Variants in PHAF1 observed in about 807,000 individuals in gnomAD.
PHAF1 encodes phagophore assembly factor 1, also known as phagosome assembly factor 1.
Under a neutral mutation model 63.1 loss-of-function variants are expected in PHAF1, and 23 were observed. That is an observed-to-expected ratio of 0.36 (90% CI 0.26 to 0.52). The LOEUF (loss-of-function observed/expected upper bound fraction) is 0.52, where lower values mean the gene tolerates loss of function less well. PHAF1 is among the 20% of genes least tolerant of loss of function. The pLI is 0.93. For missense variants in PHAF1, 427 were observed against 517.2 expected (o/e 0.83, Z 1.69); for synonymous variants, 167 against 185.0 (o/e 0.90, Z 0.79).
At chr16:67,146,384 G>A (rs573331731) in intron 15 of PHAF1, 34 bp downstream of exon 15, 5 of 1,595,108 alleles carry the variant, frequency 3.1e-6, no homozygotes, top group African/African-American at 1.3e-5. Flanking sequence ...TAAACTGCCT[G>A]GGGGGTTGCT....
intron 1 of PHAF1, among the ~76,000 whole-genome samples, chr16:67,117,151 G>A (rs891075264): frequency 1.3e-5 from 2 of 150,092 alleles, no homozygotes; most frequent in Non-Finnish European, 1.5e-5. Context: ...TCCTGACTCA[G>A]CTTCCTGAGT....
chr16:67,118,965 C>G (rs564424434), intron 1 of PHAF1, among the ~76,000 whole-genome samples: 1 of 151,976 alleles, frequency 6.6e-6, no homozygotes, highest in South Asian at 2.1e-4. Flanking sequence ...TTTGTAGAGA[C>G]AGGATCTTAC....
chr16:67,143,915 C>A (rs755880079), intron 10 of PHAF1, among the ~76,000 whole-genome samples: 8 of 151,842 alleles, frequency 5.3e-5, no homozygotes, highest in African/African-American at 9.7e-5. Context: ...ATGGTGAAAC[C>A]CCGTCTCTAC....
intron 1 of PHAF1, among the ~76,000 whole-genome samples, chr16:67,115,934 C>T (rs1265260090): frequency 6.6e-6 from 1 of 152,164 alleles, no homozygotes; most frequent in Non-Finnish European, 1.5e-5. Context: ...GGGAGGATAG[C>T]TTGAGCTCAG....
chr16:67,119,630 C>T (rs1962893398), intron 1 of PHAF1, among the ~76,000 whole-genome samples: 1 of 151,502 alleles, frequency 6.6e-6, no homozygotes, highest in Admixed American at 6.6e-5. Context: ...AAGCATTTCT[C>T]CTGCCTCAGC....
intron 1 of PHAF1, among the ~76,000 whole-genome samples, chr16:67,115,684 T>C (rs1352517749): frequency 6.6e-6 from 1 of 152,192 alleles, no homozygotes; most frequent in Admixed American, 6.5e-5. Flanking sequence ...GCCATTCATA[T>C]AGTTAGTTCC....
chr16:67,145,556 T>C lies in PHAF1; in HGVS notation c.1051-14T>C. On this transcript the variant is annotated splice_polypyrimidine_tract_variant and intron_variant, in intron 13 of 15. Coordinates refer to ENST00000219139, the MANE Select transcript of PHAF1 (RefSeq NM_025187.5). ...GTCCCTACTAACCCCTGCTCCCCTCTATCCCTCTTGCAGTGGGACAACATC... is the reference window on the plus strand; with the variant it reads ...GTCCCTACTAACCCCTGCTCCCCTCCATCCCTCTTGCAGTGGGACAACATC... 6.2e-7 allele frequency: 1 copy of C among 1,614,058 alleles called. No individual in the cohort carries two copies. The highest frequency in any genetic ancestry group is 8.5e-7 in the Non-Finnish European group (1 of 1,179,956).
At position 67,132,327 on chromosome 16, in the gene PHAF1, T is replaced by C. The variant is rs1231362395; in HGVS notation, c.276-119T>C. On this transcript the variant is annotated intron_variant, in intron 4 of 15. Coordinates refer to ENST00000219139, the MANE Select transcript of PHAF1 (RefSeq NM_025187.5). Reference sequence around the variant, plus strand: ...AGTTCTCTAATTAAGCTTTGTATTTTGATATAATTAGAGACTCACCTGCCT... The same window carrying C: ...AGTTCTCTAATTAAGCTTTGTATTTCGATATAATTAGAGACTCACCTGCCT... The C allele has an allele frequency of 6.3e-5, 55 of 871,006 alleles. No homozygotes were observed. The East Asian group carries it at 1.4e-3, about 21-fold the overall frequency. 54.0% of individuals were successfully genotyped at this position (871,006 alleles called of 1,614,324 possible). A position where few individuals can be genotyped will look rare whatever the true frequency, so the allele number is the denominator to read the frequency against.
chr16:67,138,644 A>G (rs1963692968), intron 8 of PHAF1, among the ~76,000 whole-genome samples: 1 of 152,156 alleles, frequency 6.6e-6, no homozygotes, highest in Non-Finnish European at 1.5e-5. Flanking sequence ...TGTGTGTGTC[A>G]TTAACTGTAA....
At chr16:67,126,098 C>A in intron 3 of PHAF1, 56 bp downstream of exon 3, 3 of 1,328,738 alleles carry the variant, frequency 2.3e-6, no homozygotes, top group Non-Finnish European at 2.2e-6. Context: ...CTTTCTGGAG[C>A]TAATTAGTAT....
intron 1 of PHAF1, 29 bp from the exon 2 acceptor site, chr16:67,120,083 A>C (rs1962910855): frequency 6.2e-7 from 1 of 1,601,748 alleles, no homozygotes; most frequent in African/African-American, 1.3e-5. Context: ...TAGCCAAAAT[A>C]ACCACATAGG....
At position 67,134,037 on chromosome 16, in the gene PHAF1, G is replaced by T; in HGVS notation, c.451-131G>T. ...GAGTTTACTGACCCAGAGCCAGAGA[G>T]CCAGGTTTAAGGGTGTACTTTGACC... is the stretch of plus-strand genomic sequence containing the variant. On this transcript the variant is annotated intron_variant, in intron 6 of 15. Transcript: ENST00000219139. The T allele has an allele frequency of 4.3e-6, 3 of 697,410 alleles. 1 individual carries two copies. The South Asian group carries it at 5.9e-5, about 14-fold the overall frequency. The allele number at this position is 697,410 out of a possible 1,614,324, so 43.2% of individuals were successfully genotyped here. A position where few individuals can be genotyped will look rare whatever the true frequency, so the allele number is the denominator to read the frequency against.
intron 10 of PHAF1, among the ~76,000 whole-genome samples, chr16:67,141,802 CCA>C (rs1229034198): frequency 6.6e-6 from 1 of 152,222 alleles, no homozygotes; most frequent in East Asian, 1.9e-4. Context: ...ACACCAAGAA[CCA>C]CACAGAGCCC....
chr16:67,110,200 G>GA lies in PHAF1; in HGVS notation c.27dup (p.Arg10ThrfsTer39). 1 of 1,552,908 alleles carries GA rather than the reference G, an allele frequency of 6.4e-7. No homozygotes were observed. On this transcript the variant is annotated frameshift_variant, in exon 1 of 16. Coordinates refer to ENST00000219139, the MANE Select transcript of PHAF1 (RefSeq NM_025187.5). LOFTEE classifies it high-confidence loss of function. ...AATGCTGGACCTGGAGGTAGTGCCC[G>GA]AACGCTCTCTGGGGAACGAGCAATG...
At chr16:67,142,456 C>T (rs1023678937) in intron 10 of PHAF1, among the ~76,000 whole-genome samples, 3 of 152,254 alleles carry the variant, frequency 2.0e-5, no homozygotes, top group Non-Finnish European at 4.4e-5. Flanking sequence ...TGCCCAGGAG[C>T]CCTTCTGCTT....
At chr16:67,136,984 C>T (rs1210049341) in intron 8 of PHAF1, among the ~76,000 whole-genome samples, 1 of 152,132 alleles carries the variant, frequency 6.6e-6, no homozygotes, top group Non-Finnish European at 1.5e-5. Context: ...GAAACCCCAT[C>T]TCTACTAAAA....
At chr16:67,112,019 T>A (rs899132331) in intron 1 of PHAF1, among the ~76,000 whole-genome samples, 10 of 152,098 alleles carry the variant, frequency 6.6e-5, no homozygotes, top group Non-Finnish European at 1.2e-4. Flanking sequence ...TACAAAATGC[T>A]CCATTCTCTC....
At chr16:67,131,768 G>C (rs1267030554) in intron 4 of PHAF1, among the ~76,000 whole-genome samples, 1 of 152,214 alleles carries the variant, frequency 6.6e-6, no homozygotes, top group Non-Finnish European at 1.5e-5. Context: ...GTATTTTTTA[G>C]AATTACAGCG....
At chr16:67,133,045 T>TA in intron 6 of PHAF1, 134 bp downstream of exon 6, 1 of 707,818 alleles carries the variant, frequency 1.4e-6, no homozygotes. Context: ...ATTTGAGCTC[T>TA]ACAGGGTAAA....
Sources: gnomAD v4.1 joint callset for allele counts (sites outside exome capture counted in the v4.1 genomes callset) on GRCh38, gnomAD v4.1.1 for gene constraint, MANE v1.5 for transcripts, NCBI Gene and HGNC (gene_info 2026-07-23, HGNC 2026-07-21) for gene names.